LRP1B: variants seen among roughly 807,000 people sequenced by gnomAD.
LRP1B encodes the protein low-density lipoprotein receptor-related protein 1B.
In LRP1B, 217 loss-of-function variants were observed where a neutral mutation model predicts 556.6. That is an observed-to-expected ratio of 0.39 (90% CI 0.35 to 0.44). LRP1B has a LOEUF of 0.44. Among genes scored for constraint, LRP1B ranks in the 20% least tolerant of loss-of-function variants. The pLI is 1.00. For synonymous variants in LRP1B, 2,047 were observed against 1,865.8 expected (o/e 1.10, Z -2.50); for missense variants, 5,053 against 5,620.8 (o/e 0.90, Z 3.23).
intron 7 of LRP1B, among the ~76,000 whole-genome samples, chr2:141,150,169 C>T (rs1246699382): frequency 6.6e-6 from 1 of 152,116 alleles, no homozygotes; most frequent in African/African-American, 2.4e-5. Flanking sequence ...TCCTAAGGGA[C>T]ACAGACAGTG....
intron 7 of LRP1B, among the ~76,000 whole-genome samples, chr2:141,154,822 T>G (rs903716176): frequency 2.6e-5 from 4 of 151,966 alleles, no homozygotes; most frequent in South Asian, 2.1e-4. Flanking sequence ...AGGTCAGTAT[T>G]GCATAAAATC....
At chr2:140,865,683 T>C (rs958185441) in intron 27 of LRP1B, among the ~76,000 whole-genome samples, 16 of 152,084 alleles carry the variant, frequency 1.1e-4, no homozygotes, top group Non-Finnish European at 2.2e-4. Context: ...CAAGTTCTTT[T>C]CATAGGTGAT....
chr2:141,513,107 A>G (rs10191213), intron 2 of LRP1B, among the ~76,000 whole-genome samples: 117,169 of 152,026 alleles, frequency 0.77, 45,535 homozygotes, highest in East Asian at 0.91. Context: ...ACTGATAGAC[A>G]GGTTATCCTT....
At chr2:141,481,145 G>C (rs770473941) in intron 2 of LRP1B, among the ~76,000 whole-genome samples, 16 of 152,168 alleles carry the variant, frequency 1.1e-4, no homozygotes, top group Admixed American at 9.2e-4. Context: ...GTGAAAGAAA[G>C]GGCATACTCA....
At chr2:142,127,805 C>A (rs1019490865) in intron 1 of LRP1B, among the ~76,000 whole-genome samples, 15 of 152,024 alleles carry the variant, frequency 9.9e-5, no homozygotes, top group African/African-American at 3.4e-4. Context: ...CACATTGTAT[C>A]ATACTCGAGA....
intron 1 of LRP1B, among the ~76,000 whole-genome samples, chr2:142,111,589 G>C (rs1245251849): frequency 6.6e-6 from 1 of 152,062 alleles, no homozygotes; most frequent in African/African-American, 2.4e-5. Context: ...TCCTGAAAAG[G>C]ATTTAAAGAT....
intron 7 of LRP1B, among the ~76,000 whole-genome samples, chr2:141,067,995 G>C (rs1699525638): frequency 6.6e-6 from 1 of 151,900 alleles, no homozygotes; most frequent in African/African-American, 2.4e-5. Flanking sequence ...CCTGTCCTTA[G>C]GTCTGTGAAT....
intron 1 of LRP1B, among the ~76,000 whole-genome samples, chr2:141,891,073 C>T (rs1173609578): frequency 3.3e-5 from 5 of 152,086 alleles, no homozygotes; most frequent in Non-Finnish European, 7.4e-5. Flanking sequence ...TGAGATCTAA[C>T]CTTCTCCACT....
chr2:141,195,359 T>C (rs997037060), intron 6 of LRP1B, among the ~76,000 whole-genome samples: 18 of 152,134 alleles, frequency 1.2e-4, no homozygotes, highest in African/African-American at 4.1e-4. Context: ...AACATCTTGA[T>C]TGCAACCTCA....
intron 1 of LRP1B, among the ~76,000 whole-genome samples, chr2:141,879,274 C>A (rs1009007225): frequency 4.0e-5 from 6 of 151,686 alleles, no homozygotes; most frequent in Non-Finnish European, 8.8e-5. Flanking sequence ...ATTCTGATAT[C>A]TAAAAATATA....
At chr2:140,502,602 GACT>G (rs1473641312) in intron 54 of LRP1B, among the ~76,000 whole-genome samples, 1 of 151,954 alleles carries the variant, frequency 6.6e-6, no homozygotes, top group Non-Finnish European at 1.5e-5. Context: ...GAATAATACA[GACT>G]ACTTCACAGT....
At chr2:140,874,748 G>A (rs1190889332) in intron 25 of LRP1B, among the ~76,000 whole-genome samples, 2 of 152,026 alleles carry the variant, frequency 1.3e-5, no homozygotes, top group African/African-American at 4.8e-5. Flanking sequence ...GCTGGGCGTG[G>A]TGGCTCATGC....
chr2:140,295,400 C>G (rs866500491), intron 84 of LRP1B, among the ~76,000 whole-genome samples: 1 of 152,294 alleles, frequency 6.6e-6, no homozygotes, highest in Non-Finnish European at 1.5e-5. Flanking sequence ...TTTCTTGCTT[C>G]TGCAGAAGAA....
At chr2:141,326,437 C>A (rs566078483) in intron 3 of LRP1B, among the ~76,000 whole-genome samples, 1 of 151,280 alleles carries the variant, frequency 6.6e-6, no homozygotes. Flanking sequence ...AGCATGGCCA[C>A]GGAAAGAAAG....
chr2:141,480,291 A>T, intron 3 of LRP1B, 105 bp downstream of exon 3: 1 of 1,184,246 alleles, frequency 8.4e-7, no homozygotes, highest in Non-Finnish European at 1.2e-6. Flanking sequence ...TTAATAACTG[A>T]TATGCTTGTA....
intron 1 of LRP1B, among the ~76,000 whole-genome samples, chr2:142,027,281 G>T (rs1050069607): frequency 6.6e-6 from 1 of 150,408 alleles, no homozygotes; most frequent in Non-Finnish European, 1.5e-5. Context: ...TTTAAATAAA[G>T]AAATTCTGAT....
intron 18 of LRP1B, among the ~76,000 whole-genome samples, chr2:140,970,713 C>T (rs7582467): frequency 0.47 from 4,492 of 9,540 alleles, 1,222 homozygotes; most frequent in Non-Finnish European, 0.53. Flanking sequence ...AATTTTTTAA[C>T]CTTTTTTTTT....
At chr2:140,694,475 C>G (rs1212325321) in intron 41 of LRP1B, among the ~76,000 whole-genome samples, 1 of 152,172 alleles carries the variant, frequency 6.6e-6, no homozygotes, top group Non-Finnish European at 1.5e-5. Context: ...TCTACTACTT[C>G]TGGTAGCATC....
At chr2:140,785,528 T>C (rs529999156) in intron 32 of LRP1B, among the ~76,000 whole-genome samples, 5 of 152,228 alleles carry the variant, frequency 3.3e-5, no homozygotes, top group African/African-American at 1.2e-4. Context: ...TCTACAACTT[T>C]TAAAAAATCA....
Sources: gnomAD v4.1 joint callset for allele counts (sites outside exome capture counted in the v4.1 genomes callset) on GRCh38, gnomAD v4.1.1 for gene constraint, MANE v1.5 for transcripts, NCBI Gene and HGNC (gene_info 2026-07-23, HGNC 2026-07-21) for gene names.